Variants in MYO3B observed in about 807,000 individuals in gnomAD.
The protein encoded by MYO3B is myosin IIIB, also known as myosin-IIIb.
In MYO3B, 156 loss-of-function variants were observed where a neutral mutation model predicts 174.6. The ratio of observed to expected loss-of-function variants is 0.89; its 90% CI spans 0.78 to 1.02. MYO3B has a LOEUF of 1.02. Among genes scored for constraint, MYO3B ranks in the 50% least tolerant of loss-of-function variants. The pLI is 0.00. For missense variants in MYO3B, 1,632 were observed against 1,639.4 expected (o/e 1.00, Z 0.08); for synonymous variants, 563 against 569.1 (o/e 0.99, Z 0.15).
chr2:170,453,455 A>ACACACACACACACACACAC (rs1559016281), intron 23 of MYO3B, among the ~76,000 whole-genome samples: 18 of 102,154 alleles, frequency 1.8e-4, no homozygotes, highest in South Asian at 1.3e-3. Context: ...CACACACACG[A>ACACACACACACACACACAC]GAGAGAGAGA....
At chr2:170,561,589 G>A (rs1215866757) in intron 32 of MYO3B, among the ~76,000 whole-genome samples, 1 of 152,168 alleles carries the variant, frequency 6.6e-6, no homozygotes, top group Non-Finnish European at 1.5e-5. Flanking sequence ...GTTCCCATCA[G>A]GATCTGTATC....
intron 7 of MYO3B, among the ~76,000 whole-genome samples, chr2:170,243,471 G>A (rs536884328): frequency 5.3e-5 from 8 of 152,288 alleles, no homozygotes; most frequent in African/African-American, 1.4e-4. Flanking sequence ...CAATCTACAC[G>A]GGTTCAACTA....
At chr2:170,235,643 C>G (rs2093061521) in intron 6 of MYO3B, among the ~76,000 whole-genome samples, 1 of 152,166 alleles carries the variant, frequency 6.6e-6, no homozygotes, top group Non-Finnish European at 1.5e-5. Flanking sequence ...AATTCAGTAG[C>G]TGGTAATGAG....
intron 16 of MYO3B, among the ~76,000 whole-genome samples, chr2:170,399,814 C>T (rs2094463623): frequency 6.6e-6 from 1 of 152,138 alleles, no homozygotes; most frequent in African/African-American, 2.4e-5. Context: ...TAACCATTTC[C>T]AGATAAGAGG....
At chr2:170,337,340 A>G (rs1002360363) in intron 8 of MYO3B, among the ~76,000 whole-genome samples, 8 of 152,144 alleles carry the variant, frequency 5.3e-5, no homozygotes, top group Admixed American at 1.3e-4. Context: ...ATTGCCACAC[A>G]CAGATACCCT....
At chr2:170,383,433 C>G (rs540829427) in intron 11 of MYO3B, among the ~76,000 whole-genome samples, 2 of 152,304 alleles carry the variant, frequency 1.3e-5, no homozygotes, top group East Asian at 3.9e-4. Flanking sequence ...TGGGTTATCT[C>G]ACTTTTTCAC....
intron 23 of MYO3B, among the ~76,000 whole-genome samples, chr2:170,454,384 CAG>C (rs1471484418): frequency 2.0e-5 from 3 of 152,178 alleles, no homozygotes; most frequent in African/African-American, 7.2e-5. Flanking sequence ...GGGCTACAGA[CAG>C]AGACACACCC....
At chr2:170,534,857 A>G (rs1689585652) in intron 30 of MYO3B, among the ~76,000 whole-genome samples, 1 of 152,224 alleles carries the variant, frequency 6.6e-6, no homozygotes, top group African/African-American at 2.4e-5. Flanking sequence ...TAAATCTACC[A>G]AGTGTTTATA....
At chr2:170,552,744 GA>G (rs997978201) in intron 32 of MYO3B, among the ~76,000 whole-genome samples, 2 of 152,088 alleles carry the variant, frequency 1.3e-5, no homozygotes, top group Admixed American at 6.5e-5. Context: ...CAAAACAATG[GA>G]AAAAAACTCC....
chr2:170,376,318 T>C (rs1247718585), intron 9 of MYO3B, among the ~76,000 whole-genome samples: 1 of 152,226 alleles, frequency 6.6e-6, no homozygotes, highest in Non-Finnish European at 1.5e-5. Flanking sequence ...TCCATTATTA[T>C]ATAGTTACGG....
intron 32 of MYO3B, among the ~76,000 whole-genome samples, chr2:170,638,059 A>G (rs1697660457): frequency 6.6e-6 from 1 of 150,668 alleles, no homozygotes; most frequent in South Asian, 2.1e-4. Flanking sequence ...TACTACTGAC[A>G]TTCTTTTCTA....
At chr2:170,313,650 C>T (rs542822951) in intron 7 of MYO3B, among the ~76,000 whole-genome samples, 1 of 152,248 alleles carries the variant, frequency 6.6e-6, no homozygotes, top group Admixed American at 6.5e-5. Flanking sequence ...CAAAATGCTC[C>T]TTTGAGAATA....
At chr2:170,399,455 C>A (rs1212083676) in intron 16 of MYO3B, among the ~76,000 whole-genome samples, 2 of 137,152 alleles carry the variant, frequency 1.5e-5, no homozygotes, top group African/African-American at 2.7e-5. Context: ...GCCAGGGTGA[C>A]AGAGCAAGAC....
chr2:170,577,935 G>T (rs1362276387), intron 32 of MYO3B, among the ~76,000 whole-genome samples: 2 of 152,188 alleles, frequency 1.3e-5, no homozygotes, highest in African/African-American at 4.8e-5. Context: ...ACTGCAAAGT[G>T]TTCTAGAACT....
At chr2:170,606,024 C>T (rs1471644564) in intron 32 of MYO3B, among the ~76,000 whole-genome samples, 1 of 152,170 alleles carries the variant, frequency 6.6e-6, no homozygotes, top group Non-Finnish European at 1.5e-5. Flanking sequence ...TTCCTCTTCA[C>T]TGCCACAACC....
rs1016274688 is a variant in MYO3B at position 170,326,146 on chromosome 2, T to C, written c.750-9239T>C. The stretch of plus-strand genomic sequence containing the variant: ...CACATATAAAGCTTTTTTTTTTTTT[T>C]CTTAAAATACTAATCTAATTGAGGA... On this transcript the variant is annotated intron_variant, in intron 7 of 34. Coordinates refer to ENST00000408978, the MANE Select transcript of MYO3B (RefSeq NM_138995.5). 1.4e-4 allele frequency among the ~76,000 whole-genome samples: 21 copies of C among 151,492 alleles called. No homozygotes were observed. In the South Asian group the frequency reaches 1.5e-3, roughly 11 times the overall value.
intron 18 of MYO3B, 105 bp downstream of exon 18, chr2:170,401,796 CTTTT>C (rs1268110549): frequency 5.0e-6 from 4 of 794,390 alleles, no homozygotes; most frequent in Non-Finnish European, 7.5e-6. Flanking sequence ...GATTTTCTTT[CTTTT>C]TCTTTTTTTT....
At chr2:170,624,903 C>T (rs1696268058) in intron 32 of MYO3B, among the ~76,000 whole-genome samples, 1 of 152,048 alleles carries the variant, frequency 6.6e-6, no homozygotes, top group Admixed American at 6.6e-5. Flanking sequence ...GCCTTGCATC[C>T]CAGGAATGAA....
intron 6 of MYO3B, among the ~76,000 whole-genome samples, chr2:170,232,298 G>A (rs570574151): frequency 6.6e-6 from 1 of 152,178 alleles, no homozygotes; most frequent in African/African-American, 2.4e-5. Flanking sequence ...TTTGGTATTG[G>A]ATTGATAGGG....
Sources: allele counts gnomAD v4.1 joint callset (sites outside exome capture counted in the v4.1 genomes callset), GRCh38; gene constraint gnomAD v4.1.1; transcripts MANE v1.5; gene names NCBI Gene and HGNC (gene_info 2026-07-23, HGNC 2026-07-21).